GLIS3: variants seen among roughly 807,000 people sequenced by gnomAD.
GLIS3 encodes the protein zinc finger protein GLIS3.
A neutral mutation model predicts 78.6 loss-of-function variants in GLIS3; 53 were observed. That is an observed-to-expected ratio of 0.67 (90% confidence interval 0.54 to 0.85). The LOEUF (loss-of-function observed/expected upper bound fraction) is 0.85, where lower values mean the gene tolerates loss of function less well. GLIS3 is among the 40% of genes least tolerant of loss of function. The pLI is 0.00. For synonymous variants in GLIS3, 684 were observed against 509.9 expected (o/e 1.34, Z -4.60); for missense variants, 1,703 against 1,231.1 (o/e 1.38, Z -5.74).
rs1588582754 is a variant in GLIS3 at position 4,064,962 on chromosome 9, C to T, written c.1710+52806G>A. ...ATGTGACTGGAGCACCACCATTCATCCTCCAGGGGCAGGGCAAACAGGCTT... is the reference window on the plus strand; with the variant it reads ...ATGTGACTGGAGCACCACCATTCATTCTCCAGGGGCAGGGCAAACAGGCTT... On this transcript the variant is annotated intron_variant, in intron 4 of 10. Coordinates refer to ENST00000381971, the MANE Select transcript of GLIS3 (RefSeq NM_001042413.2). Among the ~76,000 whole-genome samples, 8 of 152,268 alleles carry T rather than the reference C, an allele frequency of 5.3e-5. 1 individual carries two copies. The South Asian group carries it at 1.7e-3, about 32-fold the overall frequency.
chr9:3,851,709 C>T (rs1819444071), intron 9 of GLIS3, among the ~76,000 whole-genome samples: 1 of 152,208 alleles, frequency 6.6e-6, no homozygotes, highest in South Asian at 2.1e-4. Flanking sequence ...AGACCAAAGC[C>T]CCTCTGACTT....
intron 4 of GLIS3, among the ~76,000 whole-genome samples, chr9:3,962,958 G>T (rs75966657): frequency 6.7e-6 from 1 of 149,162 alleles, no homozygotes; most frequent in South Asian, 2.1e-4. Context: ...GGGGGGGGGG[G>T]GAGAGAGATT....
rs182358926 is a variant in GLIS3, at chr9:4,283,286, G to C, written c.388+2752C>G. ...GTTTTTTTGTTTTTTTTTTTTTTGA[G>C]ATAGAGTCTTGCTTTCTTGCCCCGG... On this transcript the variant is annotated intron_variant, in intron 2 of 10. Coordinates refer to ENST00000381971, the MANE Select transcript of GLIS3 (RefSeq NM_001042413.2). Among the ~76,000 whole-genome samples, 5 of 139,046 alleles carry C rather than the reference G, an allele frequency of 3.6e-5. No homozygotes were observed. In the East Asian group the frequency reaches 1.0e-3, roughly 29 times the overall value. The allele number at this position is 139,046 out of a possible 152,430, so 91.2% of individuals were successfully genotyped here.
the GLIS3 span, among the ~76,000 whole-genome samples, chr9:4,443,994 G>A: frequency 3.3e-5 from 5 of 152,146 alleles, no homozygotes; most frequent in Admixed American, 3.3e-4. Context: ...CAAAGTCTCA[G>A]TTAAAGCTGT....
chr9:3,864,291 T>C (rs750406216), intron 8 of GLIS3, among the ~76,000 whole-genome samples: 11 of 152,248 alleles, frequency 7.2e-5, no homozygotes, highest in African/African-American at 2.2e-4. Context: ...TACTTTACAA[T>C]AGAATGCATT....
intron 4 of GLIS3, among the ~76,000 whole-genome samples, chr9:4,057,477 T>G (rs1588561076): frequency 6.6e-6 from 1 of 152,112 alleles, no homozygotes; most frequent in East Asian, 1.9e-4. Context: ...AAATGGATAA[T>G]CACAGAAAAA....
At chr9:4,194,991 C>T (rs925521860) in intron 2 of GLIS3, among the ~76,000 whole-genome samples, 3 of 152,206 alleles carry the variant, frequency 2.0e-5, no homozygotes, top group Non-Finnish European at 4.4e-5. Context: ...TAGTCTCAGC[C>T]CAGAGATTGC....
At chr9:4,045,367 G>A (rs140976591) in intron 4 of GLIS3, among the ~76,000 whole-genome samples, 9 of 151,906 alleles carry the variant, frequency 5.9e-5, no homozygotes, top group African/African-American at 9.7e-5. Flanking sequence ...CCGGAATCTC[G>A]CTCTATCACC....
chr9:4,161,102 A>T (rs961289914), intron 2 of GLIS3, among the ~76,000 whole-genome samples: 14 of 151,184 alleles, frequency 9.3e-5, no homozygotes, highest in Non-Finnish European at 1.8e-4. Context: ...AAAAGAAAGA[A>T]AGAAAGAAAA....
the GLIS3 span, among the ~76,000 whole-genome samples, chr9:4,434,276 G>C: frequency 2.6e-5 from 4 of 152,046 alleles, no homozygotes; most frequent in African/African-American, 7.2e-5. Context: ...TGCTCTACTG[G>C]TGTTAGTGGT....
chr9:3,985,157 A>ATTACTGAGACAGGGTCTTGCTCTG (rs1819638281), intron 4 of GLIS3, among the ~76,000 whole-genome samples: 3 of 151,770 alleles, frequency 2.0e-5, no homozygotes, highest in African/African-American at 7.3e-5. Context: ...ATTATTAATT[A>ATTACTGAGACAGGGTCTTGCTCTG]TTACTGAGAC....
In GLIS3 at chr9:4,095,671, C is replaced by T. The variant is rs942315875; in HGVS notation, c.1710+22097G>A. Among the ~76,000 whole-genome samples the T allele has an allele frequency of 6.6e-5, 10 of 152,144 alleles. No individual in the cohort carries two copies. In the South Asian group the frequency reaches 1.4e-3, roughly 22 times the overall value. ...CTCATCCGTGAATGATGAAAGTGAG[C>T]GAGCTATAAATTTGCTTCATGTTTA... On this transcript the variant is annotated intron_variant, in intron 4 of 10. Transcript: ENST00000381971.
At chr9:3,929,961 AG>A (rs1273537071) in intron 6 of GLIS3, among the ~76,000 whole-genome samples, 3 of 152,210 alleles carry the variant, frequency 2.0e-5, no homozygotes, top group African/African-American at 7.2e-5. Flanking sequence ...TCCAAGGTCT[AG>A]TAACAACATT....
chr9:4,296,586 A>T (rs1337351872), intron 1 of GLIS3, among the ~76,000 whole-genome samples: 1 of 152,168 alleles, frequency 6.6e-6, no homozygotes, highest in Non-Finnish European at 1.5e-5. Context: ...CCTACTAAGG[A>T]ACTTCAGTGG....
chr9:3,952,891 C>T (rs959789652), intron 4 of GLIS3, among the ~76,000 whole-genome samples: 4 of 152,132 alleles, frequency 2.6e-5, no homozygotes, highest in Admixed American at 6.5e-5. Flanking sequence ...GGCCACACTT[C>T]GTTTAGCAAG....
chr9:4,326,090 T>A (rs12346560), intron 2 of GLIS3, among the ~76,000 whole-genome samples: 3 of 151,798 alleles, frequency 2.0e-5, no homozygotes, highest in Non-Finnish European at 2.9e-5. Flanking sequence ...GAAGAACAGC[T>A]AATGGACGCT....
At chr9:4,117,711 T>C (rs1831774497) in intron 4 of GLIS3, 57 bp downstream of exon 4, 4 of 1,606,432 alleles carry the variant, frequency 2.5e-6, no homozygotes, top group African/African-American at 2.7e-5. Context: ...AAAACACACG[T>C]ACGCAAAGCA....
At chr9:3,999,454 C>A (rs552238255) in intron 4 of GLIS3, among the ~76,000 whole-genome samples, 9 of 151,852 alleles carry the variant, frequency 5.9e-5, no homozygotes, top group Non-Finnish European at 1.3e-4. Context: ...TTTCTATGCA[C>A]CAGCAATGAA....
At chr9:4,359,032 C>A in the GLIS3 span, among the ~76,000 whole-genome samples, 1 of 152,168 alleles carries the variant, frequency 6.6e-6, no homozygotes, top group Non-Finnish European at 1.5e-5. Flanking sequence ...CTTGTAGAGG[C>A]AGAGACTTGC....
Sources: allele counts gnomAD v4.1 joint callset (sites outside exome capture counted in the v4.1 genomes callset), GRCh38; gene constraint gnomAD v4.1.1; transcripts MANE v1.5; gene names NCBI Gene and HGNC (gene_info 2026-07-23, HGNC 2026-07-21).